B3GLCT: variants seen among roughly 807,000 people sequenced by gnomAD.
B3GLCT encodes the protein beta 3-glucosyltransferase.
In B3GLCT, 65 loss-of-function variants were observed where a neutral mutation model predicts 63.4. The observed-to-expected ratio is 1.03, with a 90% CI of 0.84 to 1.26. The LOEUF is 1.26. B3GLCT is among the 50% of genes most tolerant of loss of function. B3GLCT has a pLI of 0.00. For synonymous variants in B3GLCT, 233 were observed against 219.2 expected (o/e 1.06, Z -0.55); for missense variants, 577 against 604.8 (o/e 0.95, Z 0.48).
In B3GLCT at chr13:31,317,118, G is replaced by A. The variant is rs74424693; in HGVS notation, c.1065-448G>A. Among the ~76,000 whole-genome samples the A allele has an allele frequency of 4.0e-3, 607 of 152,334 alleles. 3 individuals are homozygous for A. Among genetic ancestry groups the A allele is most frequent in the African/African-American group, 0.014 (573 of 41,570 alleles). On this transcript the variant is annotated intron_variant, in intron 12 of 14. Transcript: ENST00000343307. The stretch of plus-strand genomic sequence containing the variant: ...GGGCCCAACATGCATTTGCATCTCA[G>A]TGGCTCCTTTTTAGGCCATCAGGAA...
At chr13:31,256,744 G>A (rs1358927197) in intron 6 of B3GLCT, among the ~76,000 whole-genome samples, 3 of 152,132 alleles carry the variant, frequency 2.0e-5, no homozygotes, top group African/African-American at 7.2e-5. Flanking sequence ...GACACAGGGA[G>A]GGGAACATCA....
At chr13:31,265,225 T>TAAC (rs1641567140) in intron 7 of B3GLCT, among the ~76,000 whole-genome samples, 1 of 152,212 alleles carries the variant, frequency 6.6e-6, no homozygotes, top group Admixed American at 6.5e-5. Flanking sequence ...CCCAGAGTAT[T>TAAC]AACAGTTGCC....
intron 6 of B3GLCT, among the ~76,000 whole-genome samples, chr13:31,251,837 G>A (rs1402767065): frequency 2.6e-5 from 4 of 152,150 alleles, no homozygotes; most frequent in African/African-American, 9.7e-5. Context: ...AGCAAAGCAG[G>A]TCAACATTCA....
At chr13:31,317,390 C>A (rs1875095198) in intron 12 of B3GLCT, among the ~76,000 whole-genome samples, 176 bp from the exon 13 acceptor site, 1 of 152,114 alleles carries the variant, frequency 6.6e-6, no homozygotes, top group African/African-American at 2.4e-5. Flanking sequence ...GCATTCTTTT[C>A]TTTTTTTGTT....
intron 4 of B3GLCT, among the ~76,000 whole-genome samples, chr13:31,235,347 A>G (rs1221031248): frequency 6.6e-6 from 1 of 152,116 alleles, no homozygotes. Flanking sequence ...GAGAGTCAGC[A>G]GCATACATAG....
chr13:31,320,847 C>T (rs1006963874), intron 13 of B3GLCT, among the ~76,000 whole-genome samples: 1 of 152,150 alleles, frequency 6.6e-6, no homozygotes, highest in African/African-American at 2.4e-5. Flanking sequence ...CCATTGTTTC[C>T]CCAACTTTCT....
chr13:31,276,637 C>A, intron 9 of B3GLCT, 65 bp from the exon 10 acceptor site: 1 of 973,230 alleles, frequency 1.0e-6, no homozygotes, highest in Non-Finnish European at 1.7e-6. Flanking sequence ...CGTGTGAGAT[C>A]TAGTGTGGGT....
At chr13:31,246,140 A>G (rs907348130) in intron 4 of B3GLCT, among the ~76,000 whole-genome samples, 6 of 152,190 alleles carry the variant, frequency 3.9e-5, no homozygotes, top group African/African-American at 1.4e-4. Flanking sequence ...TTGTTCTTGA[A>G]TTCTTTTGTC....
chr13:31,219,478 C>A (rs865792081), intron 2 of B3GLCT, among the ~76,000 whole-genome samples: 1 of 152,134 alleles, frequency 6.6e-6, no homozygotes, highest in Non-Finnish European at 1.5e-5. Flanking sequence ...AAAGTGCTAC[C>A]TAATCCTGTG....
At chr13:31,327,078 C>T (rs1006717217) in intron 14 of B3GLCT, among the ~76,000 whole-genome samples, 2 of 152,078 alleles carry the variant, frequency 1.3e-5, no homozygotes, top group African/African-American at 4.8e-5. Flanking sequence ...TTCCACAATC[C>T]CCCCAGTGGA....
intron 1 of B3GLCT, among the ~76,000 whole-genome samples, chr13:31,210,264 G>A (rs2137736916): frequency 6.6e-6 from 1 of 152,292 alleles, no homozygotes; most frequent in South Asian, 2.1e-4. Context: ...AAATGGAAAA[G>A]GGGAAATTAC....
intron 10 of B3GLCT, 34 bp from the exon 11 acceptor site, chr13:31,284,612 CTG>C (rs748241038): frequency 1.7e-5 from 19 of 1,137,504 alleles, no homozygotes; most frequent in Non-Finnish European, 2.1e-5. Flanking sequence ...CCTTGTGTAA[CTG>C]TGCCAGTGAT....
At chr13:31,248,304 C>T (rs1427609522) in intron 6 of B3GLCT, among the ~76,000 whole-genome samples, 1 of 152,092 alleles carries the variant, frequency 6.6e-6, no homozygotes, top group Non-Finnish European at 1.5e-5. Flanking sequence ...AGACAGTGAC[C>T]ATATATTATT....
chr13:31,256,962 C>A (rs1379440384), intron 6 of B3GLCT, among the ~76,000 whole-genome samples: 1 of 151,280 alleles, frequency 6.6e-6, no homozygotes, highest in African/African-American at 2.4e-5. Context: ...CTGAGTTATT[C>A]TTTTAAGGTT....
chr13:31,223,319 A>AT lies in B3GLCT; in HGVS notation c.160+329dup, dbSNP rs565828448. ...GGGGGAATGCAGAGGGGAAGGAGAC[A>AT]TGGTCCCTGTTATTAAGGACCCACA... On this transcript the variant is annotated intron_variant, in intron 3 of 14. Transcript: ENST00000343307. 2.6e-5 allele frequency among the ~76,000 whole-genome samples: 4 copies of AT among 152,332 alleles called. No individual in the cohort carries two copies. In the South Asian group the frequency reaches 8.3e-4, roughly 32 times the overall value.
intron 13 of B3GLCT, 57 bp from the exon 14 acceptor site, chr13:31,323,694 C>T (rs1875446479): frequency 4.4e-6 from 7 of 1,604,058 alleles, no homozygotes; most frequent in Admixed American, 1.7e-5. Flanking sequence ...CCCATTTGTG[C>T]AGCAGCGGTG....
intron 13 of B3GLCT, among the ~76,000 whole-genome samples, chr13:31,318,197 C>T (rs1259558953): frequency 6.6e-6 from 1 of 152,146 alleles, no homozygotes; most frequent in Admixed American, 6.5e-5. Flanking sequence ...AAGATTTTAA[C>T]TTGATTTATA....
intron 4 of B3GLCT, among the ~76,000 whole-genome samples, chr13:31,233,071 C>T (rs1280168466): frequency 6.6e-6 from 1 of 152,140 alleles, no homozygotes; most frequent in Non-Finnish European, 1.5e-5. Context: ...TTCCATAGCA[C>T]CTTGAACATA....
At chr13:31,298,411 A>G (rs1050309274) in intron 12 of B3GLCT, among the ~76,000 whole-genome samples, 5 of 152,332 alleles carry the variant, frequency 3.3e-5, no homozygotes, top group East Asian at 3.9e-4. Context: ...GAGTCCACTC[A>G]GGTTTGCAGG....
Sources: gnomAD v4.1 joint callset for allele counts (sites outside exome capture counted in the v4.1 genomes callset) on GRCh38, gnomAD v4.1.1 for gene constraint, MANE v1.5 for transcripts, NCBI Gene and HGNC (gene_info 2026-07-23, HGNC 2026-07-21) for gene names.